The following RYR3 variants were observed in gnomAD, a reference collection of about 807,000 sequenced individuals.
The protein encoded by RYR3 is ryanodine receptor 3.
RYR3 carries 207 observed loss-of-function variants against 584.3 expected under a neutral mutation model. The observed-to-expected ratio is 0.35, with a 90% CI of 0.32 to 0.40. RYR3 has a LOEUF of 0.40. Among genes scored for constraint, RYR3 ranks in the 10% least tolerant of loss-of-function variants. The pLI is 1.00. For synonymous variants in RYR3, 2,416 were observed against 2,248.5 expected (o/e 1.07, Z -2.11); for missense variants, 5,616 against 6,089.2 (o/e 0.92, Z 2.59).
intron 57 of RYR3, among the ~76,000 whole-genome samples, chr15:33,750,801 C>T (rs570021669): frequency 5.3e-4 from 81 of 152,246 alleles, no homozygotes; most frequent in African/African-American, 1.9e-3. Context: ...TATACACGTG[C>T]CATGGTGGTT....
At chr15:33,560,624 G>A (rs2057349362) in intron 10 of RYR3, among the ~76,000 whole-genome samples, 1 of 152,060 alleles carries the variant, frequency 6.6e-6, no homozygotes, top group Admixed American at 6.6e-5. Flanking sequence ...CACTGCATTA[G>A]CTATGGTTAG....
chr15:33,569,020 T>TTG (rs148231296), intron 12 of RYR3, among the ~76,000 whole-genome samples: 6 of 152,004 alleles, frequency 3.9e-5, no homozygotes, highest in East Asian at 1.9e-4. Flanking sequence ...AAGAGTATTC[T>TTG]TGTGTGTGTG....
chr15:33,419,775 G>C (rs2141593453), intron 1 of RYR3, among the ~76,000 whole-genome samples: 1 of 152,252 alleles, frequency 6.6e-6, no homozygotes, highest in South Asian at 2.1e-4. Context: ...CCACTTACAA[G>C]ACGTGAAGCA....
At chr15:33,480,935 T>G (rs1375856604) in intron 2 of RYR3, among the ~76,000 whole-genome samples, 1 of 152,206 alleles carries the variant, frequency 6.6e-6, no homozygotes, top group Non-Finnish European at 1.5e-5. Context: ...AGAAAGGTGT[T>G]AAAAACTATG....
intron 11 of RYR3, among the ~76,000 whole-genome samples, chr15:33,565,335 T>C (rs1169014068): frequency 2.0e-5 from 3 of 152,154 alleles, no homozygotes; most frequent in African/African-American, 7.2e-5. Context: ...TCTCACAAAG[T>C]AATATTTTCT....
intron 19 of RYR3, among the ~76,000 whole-genome samples, chr15:33,621,125 A>G (rs1407150238): frequency 1.4e-5 from 2 of 144,576 alleles, no homozygotes; most frequent in Non-Finnish European, 3.1e-5. Context: ...TTGATTTGTT[A>G]TCTTATCCAG....
intron 16 of RYR3, 52 bp downstream of exon 16, chr15:33,586,168 T>C: frequency 2.0e-6 from 2 of 1,013,482 alleles, no homozygotes; most frequent in South Asian, 2.5e-5. Flanking sequence ...CCCTCCCCAA[T>C]GTTCATGACC....
intron 75 of RYR3, among the ~76,000 whole-genome samples, chr15:33,817,231 G>A (rs780101963): frequency 8.5e-5 from 13 of 152,142 alleles, no homozygotes; most frequent in Non-Finnish European, 5.9e-5. Context: ...GTCATGGGGG[G>A]TTCATGCTAA....
chr15:33,820,637 T>G, intron 77 of RYR3, 119 bp from the exon 78 acceptor site: 43 of 795,136 alleles, frequency 5.4e-5, no homozygotes, highest in Middle Eastern at 2.3e-4. Context: ...TACACAACGC[T>G]GAGGTCCTGA....
At chr15:33,605,375 TC>T (rs1383318663) in intron 18 of RYR3, among the ~76,000 whole-genome samples, 3 of 152,118 alleles carry the variant, frequency 2.0e-5, no homozygotes, top group Non-Finnish European at 4.4e-5. Context: ...CCCTCCTGTC[TC>T]CTCTGAAGGC....
chr15:33,341,859 T>A (rs1971860571), intron 1 of RYR3, among the ~76,000 whole-genome samples: 1 of 151,432 alleles, frequency 6.6e-6, no homozygotes, highest in Admixed American at 6.6e-5. Flanking sequence ...AAAAAAAAAA[T>A]TAGAGCTCAA....
intron 85 of RYR3, among the ~76,000 whole-genome samples, chr15:33,827,625 A>G (rs2077447226): frequency 6.6e-6 from 1 of 152,198 alleles, no homozygotes; most frequent in African/African-American, 2.4e-5. Context: ...ATTTCACTAG[A>G]AAAAAAGACT....
rs1230864041 is a variant in RYR3 at position 33,613,241 on chromosome 15, G to A, written c.2223G>A (p.Val741=). Residue 741 remains valine, a synonymous_variant, in exon 19 of 104, where the codon GTG becomes GTA. Transcript: ENST00000634891. ...INQHLLRSDD[V]VSCCLDLGVP... ...AGCACCTCCTGAGATCGGATGACGT[G>A]GTAAGCTGCTGCCTGGACCTCGGGG... 1.9e-6 allele frequency: 3 copies of A among 1,613,758 alleles called. No individual in the cohort carries two copies. The highest frequency in any genetic ancestry group is 2.7e-5 in the African/African-American group (2 of 74,910).
intron 64 of RYR3, among the ~76,000 whole-genome samples, chr15:33,778,214 T>C (rs889719158): frequency 1.4e-5 from 2 of 143,686 alleles, no homozygotes; most frequent in South Asian, 2.2e-4. Flanking sequence ...AGATTTGAAA[T>C]CTTACCCCTT....
chr15:33,734,688 C>CTTTTT (rs11343337), intron 48 of RYR3, among the ~76,000 whole-genome samples: 1 of 91,838 alleles, frequency 1.1e-5, no homozygotes, highest in Non-Finnish European at 2.1e-5. Flanking sequence ...ATTTTTTTTT[C>CTTTTT]TTTTTTTTTT....
chr15:33,628,686 G>A (rs553140465), intron 21 of RYR3, 111 bp downstream of exon 21: 1 of 681,340 alleles, frequency 1.5e-6, no homozygotes, highest in African/African-American at 1.8e-5. Context: ...TAGGAACACT[G>A]AGGAGACCAG....
intron 1 of RYR3, among the ~76,000 whole-genome samples, chr15:33,403,785 C>T (rs991542019): frequency 5.9e-5 from 9 of 152,158 alleles, no homozygotes; most frequent in Admixed American, 5.9e-4. Context: ...AATAAGTAGA[C>T]TCTGTGCATA....
At chr15:33,813,028 A>AG in intron 73 of RYR3, 34 bp downstream of exon 73, 1 of 1,613,306 alleles carries the variant, frequency 6.2e-7, no homozygotes, top group Non-Finnish European at 8.5e-7. Flanking sequence ...ATGGGGAAGC[A>AG]GAAACACCCT....
chr15:33,838,810 T>C lies in RYR3; in HGVS notation c.12830T>C (p.Ile4277Thr), dbSNP rs201567565. 8.7e-6 allele frequency: 14 copies of C among 1,613,868 alleles called. No homozygotes were observed. The East Asian group carries it at 2.7e-4, about 31-fold the overall frequency. ...FIKGEKGDTD[I>T]MSDLFGLHPK... ...AAGGGGGAGAAGGGAGATACAGATA[T>C]CATGTCAGACCTCTTTGGACTCCAC... The change falls in exon 89 of 104, where the codon ATC becomes ACC. Residue 4277 changes from isoleucine (I) to threonine (T), a missense_variant. Around this residue, in one of 9 missense-constraint regions of RYR3, gnomAD observed 918 missense variants for 887.4 expected, o/e 1.03. Coordinates refer to ENST00000634891, the MANE Select transcript of RYR3 (RefSeq NM_001036.6).
Sources: gnomAD v4.1 joint callset for allele counts (sites outside exome capture counted in the v4.1 genomes callset) on GRCh38, gnomAD v4.1.1 for gene constraint, gnomAD v4.1.1 regional missense constraint, MANE v1.5 for transcripts, NCBI Gene and HGNC (gene_info 2026-07-23, HGNC 2026-07-21) for gene names.